Variants in NRG1 observed in about 807,000 individuals in gnomAD.
NRG1 encodes the protein pro-neuregulin-1, membrane-bound isoform.
NRG1 carries 18 observed loss-of-function variants against 63.8 expected under a neutral mutation model. The observed-to-expected ratio is 0.28, with a 90% CI of 0.19 to 0.42. The LOEUF (loss-of-function observed/expected upper bound fraction) is 0.42, where lower values mean the gene tolerates loss of function less well. NRG1 is among the 10% of genes least tolerant of loss of function. The probability of loss-of-function intolerance (pLI) is 1.00; values close to 1 mark genes in which losing one functional copy is unlikely to be tolerated. For missense variants in NRG1, 762 were observed against 814.7 expected (o/e 0.94, Z 0.79); for synonymous variants, 302 against 301.3 (o/e 1.00, Z -0.02).
intron 1 of NRG1, among the ~76,000 whole-genome samples, chr8:32,498,206 TA>T (rs1456802480): frequency 3.3e-5 from 5 of 152,210 alleles, no homozygotes; most frequent in African/African-American, 1.2e-4. Context: ...AGGGGGTTTA[TA>T]AACCCTTCTT....
intron 1 of NRG1, among the ~76,000 whole-genome samples, chr8:31,952,852 A>C (rs887338426): frequency 2.0e-5 from 3 of 152,220 alleles, no homozygotes; most frequent in Non-Finnish European, 4.4e-5. Context: ...CTATGCCATC[A>C]TTTGTTGATT....
intron 1 of NRG1, among the ~76,000 whole-genome samples, chr8:31,828,924 G>A (rs1342532354): frequency 6.6e-6 from 1 of 152,178 alleles, no homozygotes; most frequent in East Asian, 1.9e-4. Flanking sequence ...TTGAGTGTCA[G>A]TCATTTATTC....
intron 1 of NRG1, among the ~76,000 whole-genome samples, chr8:32,315,460 T>G (rs545757622): frequency 5.3e-5 from 8 of 152,356 alleles, no homozygotes; most frequent in African/African-American, 1.9e-4. Context: ...TGTACCACAT[T>G]GTCTATCCAG....
chr8:32,130,377 A>G (rs1421638710), intron 1 of NRG1, among the ~76,000 whole-genome samples: 1 of 152,006 alleles, frequency 6.6e-6, no homozygotes, highest in African/African-American at 2.4e-5. Flanking sequence ...ACCAACTAAC[A>G]TTGGGTAAAA....
At chr8:32,076,007 G>T (rs991859065) in intron 1 of NRG1, among the ~76,000 whole-genome samples, 5 of 152,110 alleles carry the variant, frequency 3.3e-5, no homozygotes, top group Non-Finnish European at 7.4e-5. Context: ...CAATATTTTT[G>T]ATCTATGATT....
chr8:32,439,723 T>C (rs577899040), intron 1 of NRG1, among the ~76,000 whole-genome samples: 2 of 151,946 alleles, frequency 1.3e-5, no homozygotes, highest in South Asian at 4.2e-4. Flanking sequence ...AAATTGAATC[T>C]ACCCTAGAGC....
At chr8:32,181,614 A>G (rs1219837544) in intron 1 of NRG1, among the ~76,000 whole-genome samples, 1 of 152,218 alleles carries the variant, frequency 6.6e-6, no homozygotes, top group Non-Finnish European at 1.5e-5. Flanking sequence ...CCTGACCTTT[A>G]ATAAGAGATG....
At chr8:32,278,160 T>C (rs559798593) in intron 1 of NRG1, among the ~76,000 whole-genome samples, 1 of 152,332 alleles carries the variant, frequency 6.6e-6, no homozygotes, top group South Asian at 2.1e-4. Flanking sequence ...CATTAAATCA[T>C]TGAAAATAAT....
At chr8:32,504,839 T>A (rs1828336137) in intron 1 of NRG1, among the ~76,000 whole-genome samples, 1 of 152,210 alleles carries the variant, frequency 6.6e-6, no homozygotes, top group African/African-American at 2.4e-5. Context: ...CTTGACATAA[T>A]AATTTAATGT....
chr8:32,737,675 CTTT>C (rs561750288), intron 6 of NRG1, among the ~76,000 whole-genome samples: 197 of 127,882 alleles, frequency 1.5e-3, no homozygotes, highest in African/African-American at 5.4e-3. Context: ...GACAATCTTC[CTTT>C]TTTTTTTTTT....
intron 1 of NRG1, among the ~76,000 whole-genome samples, chr8:31,985,410 A>C (rs1172016447): frequency 6.6e-6 from 1 of 152,118 alleles, no homozygotes; most frequent in Admixed American, 6.6e-5. Context: ...TCAGTTGAAT[A>C]CACCCAGTAC....
intron 1 of NRG1, among the ~76,000 whole-genome samples, chr8:32,109,721 T>A (rs1026872693): frequency 7.9e-5 from 12 of 152,056 alleles, no homozygotes; most frequent in African/African-American, 2.4e-4. Context: ...AAATGAAAGT[T>A]CCCCTTCAGT....
At chr8:32,265,934 G>A (rs542193534) in intron 1 of NRG1, among the ~76,000 whole-genome samples, 1 of 152,152 alleles carries the variant, frequency 6.6e-6, no homozygotes, top group Non-Finnish European at 1.5e-5. Flanking sequence ...ATCTAGAGAT[G>A]ATTTAAAATA....
intron 2 of NRG1, among the ~76,000 whole-genome samples, chr8:32,602,910 A>T (rs1212532718): frequency 1.3e-5 from 2 of 152,184 alleles, no homozygotes; most frequent in Non-Finnish European, 2.9e-5. Flanking sequence ...AACGCTCCAA[A>T]ATTCAGCCCC....
intron 1 of NRG1, among the ~76,000 whole-genome samples, chr8:32,569,464 A>G (rs1196557307): frequency 1.3e-5 from 2 of 152,340 alleles, no homozygotes; most frequent in East Asian, 3.9e-4. Context: ...GGATTGCCTC[A>G]GTAGAAAGCT....
At chr8:32,639,654 T>G (rs1166723545) in intron 5 of NRG1, among the ~76,000 whole-genome samples, 1 of 152,192 alleles carries the variant, frequency 6.6e-6, no homozygotes, top group Non-Finnish European at 1.5e-5. Flanking sequence ...GCAGGAGATT[T>G]AAAAATCAAA....
chr8:31,946,678 G>C (rs373629386), intron 1 of NRG1, among the ~76,000 whole-genome samples: 1 of 152,264 alleles, frequency 6.6e-6, no homozygotes, highest in Admixed American at 6.5e-5. Context: ...TATGGCGGCT[G>C]TCATGAGGAT....
intron 1 of NRG1, among the ~76,000 whole-genome samples, chr8:32,376,101 T>G (rs1809589938): frequency 6.6e-6 from 1 of 152,238 alleles, no homozygotes; most frequent in African/African-American, 2.4e-5. Flanking sequence ...ATTTAAAAGC[T>G]TATAAAACTA....
At chr8:31,987,318 A>ATGTGTG (rs775800534) in intron 1 of NRG1, among the ~76,000 whole-genome samples, 1,159 of 75,118 alleles carry the variant, frequency 0.015, 32 homozygotes, top group African/African-American at 0.056. Context: ...AAAAACATAT[A>ATGTGTG]TATGTGTGTG....
Sources: allele counts gnomAD v4.1 joint callset (sites outside exome capture counted in the v4.1 genomes callset), GRCh38; gene constraint gnomAD v4.1.1; transcripts MANE v1.5; gene names NCBI Gene and HGNC (gene_info 2026-07-23, HGNC 2026-07-21).